EREG: variants seen among roughly 807,000 people sequenced by gnomAD.
The protein encoded by EREG is proepiregulin.
EREG carries 23 observed loss-of-function variants against 22.4 expected under a neutral mutation model. The observed-to-expected ratio is 1.03, with a 90% CI of 0.74 to 1.46. The LOEUF (loss-of-function observed/expected upper bound fraction) is 1.46. EREG is among the 40% of genes most tolerant of loss of function. The pLI, the probability that EREG is intolerant of heterozygous loss-of-function variation, is 0.00. For missense variants in EREG, 226 were observed against 205.9 expected (o/e 1.10, Z -0.60); for synonymous variants, 100 against 75.4 (o/e 1.33, Z -1.69).
intron 3 of EREG, chr4:74,381,354 T>C: frequency 2.2e-6 from 1 of 456,338 alleles, no homozygotes; most frequent in East Asian, 3.8e-5. Context: ...CCAGAGTCTA[T>C]TACTCCACTC....
At chr4:74,373,984 C>G (rs555467088) in intron 1 of EREG, among the ~76,000 whole-genome samples, 1 of 152,066 alleles carries the variant, frequency 6.6e-6, no homozygotes, top group African/African-American at 2.4e-5. Flanking sequence ...AAGCCTATTA[C>G]GTTATAGACA....
chr4:74,374,645 T>C (rs760644330), intron 1 of EREG, among the ~76,000 whole-genome samples: 1 of 152,252 alleles, frequency 6.6e-6, no homozygotes, highest in Non-Finnish European at 1.5e-5. Context: ...CAACCACTTC[T>C]TAGTGCTCCA....
intron 1 of EREG, among the ~76,000 whole-genome samples, chr4:74,375,485 ATTTTTTT>A (rs34399498): frequency 7.5e-6 from 1 of 133,172 alleles, no homozygotes; most frequent in Non-Finnish European, 1.6e-5. Context: ...TGCCTGGCTA[ATTTTTTT>A]TTTTTTTTTT....
At chr4:74,370,397 T>C (rs1184949736) in intron 1 of EREG, among the ~76,000 whole-genome samples, 1 of 152,212 alleles carries the variant, frequency 6.6e-6, no homozygotes, top group African/African-American at 2.4e-5. Flanking sequence ...ATCACCACTA[T>C]GTTATAGACT....
At position 74,385,991 on chromosome 4, in the gene EREG, A is replaced by G. The variant is rs114725716; in HGVS notation, c.*1183A>G. 1.2e-3 allele frequency: 449 copies of G among 378,658 alleles called. No homozygotes were observed. The highest frequency in any genetic ancestry group is 8.0e-3 in the African/African-American group (385 of 48,358). 23.5% of individuals were successfully genotyped at this position (378,658 alleles called of 1,614,324 possible). A position where few individuals can be genotyped will look rare whatever the true frequency, so the allele number is the denominator to read the frequency against. ...GAAAGCTTTTAAAATGTAGAAACTT[A>G]AACACACCTTCCTGTGGAGGCTGAG... On this transcript the variant is annotated 3_prime_UTR_variant, in exon 5 of 5. Transcript: ENST00000244869.
intron 1 of EREG, among the ~76,000 whole-genome samples, chr4:74,372,166 C>T (rs537026744): frequency 7.9e-5 from 12 of 152,296 alleles, no homozygotes; most frequent in African/African-American, 2.9e-4. Context: ...ATATGTGGCT[C>T]TCACTGAAGT....
intron 1 of EREG, among the ~76,000 whole-genome samples, chr4:74,373,370 G>T (rs1452534550): frequency 2.0e-5 from 3 of 151,834 alleles, no homozygotes; most frequent in African/African-American, 7.3e-5. Flanking sequence ...TAATATTTTT[G>T]CTACTTGTCA....
At chr4:74,372,656 G>C (rs1752309998) in intron 1 of EREG, among the ~76,000 whole-genome samples, 1 of 152,112 alleles carries the variant, frequency 6.6e-6, no homozygotes, top group African/African-American at 2.4e-5. Flanking sequence ...TCTTATGTAA[G>C]ATTGTCTTGA....
chr4:74,382,769 G>A lies in EREG; in HGVS notation c.403G>A (p.Gly135Ser). 1 of 1,613,020 alleles carries A rather than the reference G, an allele frequency of 6.2e-7. No homozygotes were observed. The highest frequency in any genetic ancestry group is 8.5e-7 in the Non-Finnish European group (1 of 1,179,612). Reference protein sequence around the residue: ...LIILFLITVVGSTYYFCRWYR... With the variant: ...LIILFLITVVSSTYYFCRWYR... ...TATTTTGTTTCTTATCACAGTCGTCGGTTCCACATATTATTTCTGCAGATG... is the reference window on the plus strand; with the variant it reads ...TATTTTGTTTCTTATCACAGTCGTCAGTTCCACATATTATTTCTGCAGATG... The change falls in exon 4 of 5, where the codon GGT (glycine) becomes AGT (serine). Residue 135 changes from glycine to serine, a missense_variant. Gly to Ser is a moderately conservative substitution (Grantham distance 56). Transcript: ENST00000244869.
rs368499026 is a variant in EREG at position 74,372,048 on chromosome 4, T to C, written c.67+6673T>C. 7.2e-5 allele frequency among the ~76,000 whole-genome samples: 11 copies of C among 152,314 alleles called. No individual in the cohort carries two copies. The East Asian group carries it at 1.7e-3, about 24-fold the overall frequency. On this transcript the variant is annotated intron_variant, in intron 1 of 4. Coordinates refer to ENST00000244869, the MANE Select transcript of EREG (RefSeq NM_001432.3). ...TCAATAGATATTTATTGAGTAAACA[T>C]TATTTGACAAATGTAGTTACTAAAA...
At chr4:74,382,874 G>GATAAAGTATT (rs1314481503) in intron 4 of EREG, 80 bp downstream of exon 4, 17 of 1,035,310 alleles carry the variant, frequency 1.6e-5, no homozygotes, top group Middle Eastern at 2.8e-4. Flanking sequence ...TAAAAATATG[G>GATAAAGTATT]ATAAAGTATT....
intron 1 of EREG, among the ~76,000 whole-genome samples, chr4:74,366,913 A>G (rs768512492): frequency 4.4e-4 from 67 of 152,320 alleles, no homozygotes; most frequent in Non-Finnish European, 7.8e-4. Flanking sequence ...CCACTAGGAA[A>G]GTTCCTGTTT....
At position 74,382,711 on chromosome 4, in the gene EREG, CAA is replaced by C; in HGVS notation, c.347_348del (p.Lys116ArgfsTer34). On this transcript the variant is annotated frameshift_variant, in exon 4 of 5. Coordinates refer to ENST00000244869, the MANE Select transcript of EREG (RefSeq NM_001432.3). LOFTEE classifies it high-confidence loss of function. ...FFLTVHQPLS[K>X]EYVALTVILI... ...TTTTAACCGTCCACCAACCTTTAAG[CAA>C]AGAATATGTGGCTTTGACCGTGATT... 7.4e-6 allele frequency: 12 copies of C among 1,613,442 alleles called. No homozygotes were observed. The highest frequency in any genetic ancestry group is 1.0e-5 in the Non-Finnish European group (12 of 1,179,420).
rs925152892 is a variant in EREG, at chr4:74,379,488, T to C, written c.108T>C (p.Ile36=). ...LLQAVLSTTV[I]PSCIPGESSD... is the part of the protein sequence containing the mutation. ...AGGCAGTCCTCAGTACAACTGTGAT[T>C]CCATCATGTATCCCAGGAGAGTCCA... is the stretch of plus-strand genomic sequence containing the variant. The change falls in exon 2 of 5, where the codon ATT becomes ATC. Residue 36 remains isoleucine, a synonymous_variant. Transcript: ENST00000244869. 2 of 1,612,710 alleles carry C rather than the reference T, an allele frequency of 1.2e-6. No individual in the cohort carries two copies. Among genetic ancestry groups the C allele is most frequent in the African/African-American group, 1.3e-5 (1 of 74,890 alleles).
In EREG at chr4:74,385,097, G is replaced by T. The variant is rs1578824353; in HGVS notation, c.*289G>T. 1 of 247,762 alleles carries T rather than the reference G, an allele frequency of 4.0e-6. No homozygotes were observed. The highest frequency in any genetic ancestry group is 7.7e-5 in the East Asian group (1 of 12,916). 15.3% of individuals were successfully genotyped at this position (247,762 alleles called of 1,614,324 possible). A position where few individuals can be genotyped will look rare whatever the true frequency, so the allele number is the denominator to read the frequency against. ...AAAGTTTATATGCCTGGTGCACAGT[G>T]CTTAGAAGTAAGCAATTCCCAGGTC... On this transcript the variant is annotated 3_prime_UTR_variant, in exon 5 of 5. Coordinates refer to ENST00000244869, the MANE Select transcript of EREG (RefSeq NM_001432.3).
At position 74,365,686 on chromosome 4, in the gene EREG, G is replaced by C. The variant is rs553967734; in HGVS notation, c.67+311G>C. 4.3e-5 allele frequency among the ~76,000 whole-genome samples: 4 copies of C among 93,914 alleles called. No individual in the cohort carries two copies. The South Asian group carries it at 1.3e-3, about 31-fold the overall frequency. 61.6% of individuals were successfully genotyped at this position (93,914 alleles called of 152,430 possible). A position where few individuals can be genotyped will look rare whatever the true frequency, so the allele number is the denominator to read the frequency against. ...AAAGCTTTTTTTTTTTTTTTGAAAA[G>C]TTGCCAGTCCTAGAAATCTAAAGGC... On this transcript the variant is annotated intron_variant, in intron 1 of 4. Transcript: ENST00000244869.
At chr4:74,379,628 A>G in intron 2 of EREG, 94 bp downstream of exon 2, 1 of 722,664 alleles carries the variant, frequency 1.4e-6, no homozygotes, top group Non-Finnish European at 2.4e-6. Context: ...TAATTTTTTA[A>G]AAAAGGGTAA....
chr4:74,376,985 G>A (rs1752391495), intron 1 of EREG, among the ~76,000 whole-genome samples: 1 of 151,918 alleles, frequency 6.6e-6, no homozygotes, highest in Non-Finnish European at 1.5e-5. Flanking sequence ...CTCTAACTGA[G>A]AAAAAATAAA....
chr4:74,379,220 C>A (rs1040608477), intron 1 of EREG, among the ~76,000 whole-genome samples: 1 of 152,194 alleles, frequency 6.6e-6, no homozygotes, highest in Non-Finnish European at 1.5e-5. Flanking sequence ...CAGGTCAAAT[C>A]TGTAACCGTG....
Sources: allele counts gnomAD v4.1 joint callset (sites outside exome capture counted in the v4.1 genomes callset), GRCh38; gene constraint gnomAD v4.1.1; transcripts MANE v1.5; gene names NCBI Gene and HGNC (gene_info 2026-07-23, HGNC 2026-07-21).